LRFN2: variants seen among roughly 807,000 people sequenced by gnomAD.
LRFN2 encodes leucine-rich repeat and fibronectin type-III domain-containing protein 2.
Under a neutral mutation model 37.3 loss-of-function variants are expected in LRFN2, and 18 were observed. The observed-to-expected ratio is 0.48, with a 90% CI of 0.33 to 0.72. The LOEUF (loss-of-function observed/expected upper bound fraction) is 0.72, where lower values mean the gene tolerates loss of function less well. LRFN2 is among the 30% of genes least tolerant of loss of function. The pLI is 0.02. For synonymous variants in LRFN2, 556 were observed against 466.6 expected (o/e 1.19, Z -2.47); for missense variants, 1,006 against 1,060.7 (o/e 0.95, Z 0.72).
At chr6:40,548,105 G>A (rs1766697520) in intron 1 of LRFN2, among the ~76,000 whole-genome samples, 1 of 152,158 alleles carries the variant, frequency 6.6e-6, no homozygotes, top group African/African-American at 2.4e-5. Flanking sequence ...AAGAACCTCA[G>A]TTTTCTCATC....
intron 1 of LRFN2, among the ~76,000 whole-genome samples, chr6:40,437,581 A>T (rs1276606444): frequency 2.0e-5 from 3 of 152,240 alleles, no homozygotes; most frequent in Non-Finnish European, 2.9e-5. Flanking sequence ...TTAAGTAATC[A>T]GCATGGAAGA....
At chr6:40,550,057 T>A (rs1038342153) in intron 1 of LRFN2, among the ~76,000 whole-genome samples, 4 of 151,916 alleles carry the variant, frequency 2.6e-5, no homozygotes, top group Non-Finnish European at 5.9e-5. Context: ...AAAATAAAAA[T>A]AAATAAACTC....
At position 40,432,003 on chromosome 6, in the gene LRFN2, T is replaced by C; in HGVS notation, c.1111A>G (p.Met371Val). Residue 371 changes from methionine (M) to valine (V), a missense_variant, in exon 2 of 3, where the codon ATG (methionine) becomes GTG (valine). Coordinates refer to ENST00000338305, the MANE Select transcript of LRFN2 (RefSeq NM_020737.3). ...AGCTGGACGATGGAGACCTCCACCA[T>C]GGCCGTGGCCTCTCCGGCAGCATTG... The part of the protein sequence containing the change: ...AANAAGEATA[M>V]VEVSIVQLPH... 1 of 1,613,722 alleles carries C rather than the reference T, an allele frequency of 6.2e-7. No individual in the cohort carries two copies. Among genetic ancestry groups the C allele is most frequent in the East Asian group, 2.2e-5 (1 of 44,868 alleles).
chr6:40,571,056 C>T (rs560858762), intron 1 of LRFN2, among the ~76,000 whole-genome samples: 82 of 152,348 alleles, frequency 5.4e-4, no homozygotes, highest in African/African-American at 1.9e-3. Flanking sequence ...GCCCCGGAAG[C>T]AGAGCTGGAG....
chr6:40,430,268 C>A (rs1460910571), intron 2 of LRFN2, among the ~76,000 whole-genome samples: 1 of 152,148 alleles, frequency 6.6e-6, no homozygotes, highest in Non-Finnish European at 1.5e-5. Flanking sequence ...AACATACCCA[C>A]CCTCAGTCAC....
intron 2 of LRFN2, among the ~76,000 whole-genome samples, chr6:40,407,441 A>T (rs752252273): frequency 6.6e-6 from 1 of 152,182 alleles, no homozygotes; most frequent in Non-Finnish European, 1.5e-5. Context: ...GAAATGGGAG[A>T]GTAATACTAG....
intron 1 of LRFN2, among the ~76,000 whole-genome samples, chr6:40,436,219 C>T (rs1309088421): frequency 1.3e-5 from 2 of 152,228 alleles, no homozygotes; most frequent in Non-Finnish European, 1.5e-5. Context: ...ATTTCAAATG[C>T]TCATTAGCCA....
chr6:40,556,934 C>T (rs1174702259), intron 1 of LRFN2, among the ~76,000 whole-genome samples: 1 of 152,144 alleles, frequency 6.6e-6, no homozygotes, highest in African/African-American at 2.4e-5. Context: ...TTTGTCTAAT[C>T]CACATCACTT....
At chr6:40,406,030 C>A (rs1327724121) in intron 2 of LRFN2, among the ~76,000 whole-genome samples, 1 of 152,136 alleles carries the variant, frequency 6.6e-6, no homozygotes, top group East Asian at 1.9e-4. Context: ...GAGCGTCGCC[C>A]TCCTCCATGG....
intron 1 of LRFN2, among the ~76,000 whole-genome samples, chr6:40,446,854 A>G (rs1037992791): frequency 6.6e-6 from 1 of 151,948 alleles, no homozygotes; most frequent in Non-Finnish European, 1.5e-5. Context: ...GGGCTCCCTG[A>G]TGATGGGGCT....
chr6:40,444,506 T>C (rs1015560322), intron 1 of LRFN2, among the ~76,000 whole-genome samples: 22 of 152,216 alleles, frequency 1.4e-4, no homozygotes, highest in African/African-American at 5.1e-4. Flanking sequence ...ACCCTGGGAT[T>C]TGCTCTCTGC....
intron 1 of LRFN2, among the ~76,000 whole-genome samples, chr6:40,485,095 T>C (rs1764923069): frequency 6.6e-6 from 1 of 152,172 alleles, no homozygotes; most frequent in South Asian, 2.1e-4. Context: ...TACTTCCTCT[T>C]TGGTTTATTA....
intron 1 of LRFN2, among the ~76,000 whole-genome samples, chr6:40,575,686 T>G (rs1581802212): frequency 6.6e-6 from 1 of 152,130 alleles, no homozygotes; most frequent in African/African-American, 2.4e-5. Flanking sequence ...TGTAGTACCA[T>G]GAAGCCATCC....
intron 1 of LRFN2, among the ~76,000 whole-genome samples, chr6:40,436,660 C>G (rs771542246): frequency 3.9e-5 from 6 of 152,190 alleles, no homozygotes; most frequent in Non-Finnish European, 5.9e-5. Context: ...CTTACCCAGG[C>G]CCCACCAGGT....
At chr6:40,493,523 G>A (rs973813769) in intron 1 of LRFN2, among the ~76,000 whole-genome samples, 4 of 152,198 alleles carry the variant, frequency 2.6e-5, no homozygotes, top group African/African-American at 7.2e-5. Context: ...GGACATGCTC[G>A]CCCATACAGA....
chr6:40,428,485 A>T (rs1581697391), intron 2 of LRFN2, among the ~76,000 whole-genome samples: 1 of 152,150 alleles, frequency 6.6e-6, no homozygotes, highest in South Asian at 2.1e-4. Context: ...CTTTCTAATG[A>T]GGACAATTCA....
chr6:40,524,355 A>C (rs1766181248), intron 1 of LRFN2, among the ~76,000 whole-genome samples: 1 of 150,650 alleles, frequency 6.6e-6, no homozygotes, highest in Non-Finnish European at 1.5e-5. Flanking sequence ...AAGGTCAGCC[A>C]CCTCCCCCTA....
At chr6:40,437,152 G>T (rs1020642305) in intron 1 of LRFN2, among the ~76,000 whole-genome samples, 2 of 152,138 alleles carry the variant, frequency 1.3e-5, no homozygotes, top group South Asian at 2.1e-4. Context: ...AATGATATTT[G>T]TCAGGTGCCC....
At chr6:40,537,737 C>A (rs186064454) in intron 1 of LRFN2, among the ~76,000 whole-genome samples, 86 of 152,244 alleles carry the variant, frequency 5.6e-4, no homozygotes, top group African/African-American at 1.9e-3. Context: ...CCAGTCCCCA[C>A]AGCCTCGGTG....
Sources: gnomAD v4.1 joint callset for allele counts (sites outside exome capture counted in the v4.1 genomes callset) on GRCh38, gnomAD v4.1.1 for gene constraint, MANE v1.5 for transcripts, NCBI Gene and HGNC (gene_info 2026-07-23, HGNC 2026-07-21) for gene names.